The following MDGA2 variants were observed in gnomAD, a reference collection of about 807,000 sequenced individuals.
MDGA2 encodes the protein MAM domain containing glycosylphosphatidylinositol anchor 2, also known as MAM domain-containing glycosylphosphatidylinositol anchor protein 2.
A neutral mutation model predicts 117.8 loss-of-function variants in MDGA2; 40 were observed. That is an observed-to-expected ratio of 0.34 (90% CI 0.26 to 0.44). The LOEUF is 0.44. MDGA2 is among the 20% of genes least tolerant of loss of function. The pLI is 1.00. For missense variants in MDGA2, 1,123 were observed against 1,250.6 expected (o/e 0.90, Z 1.54); for synonymous variants, 452 against 439.0 (o/e 1.03, Z -0.37).
At chr14:46,928,531 T>A (rs916041000) in intron 9 of MDGA2, among the ~76,000 whole-genome samples, 3 of 144,652 alleles carry the variant, frequency 2.1e-5, no homozygotes, top group African/African-American at 7.5e-5. Context: ...AAAAGCTTTG[T>A]AACTCAGTAT....
intron 1 of MDGA2, among the ~76,000 whole-genome samples, chr14:47,452,669 C>G (rs964722954): frequency 6.6e-6 from 1 of 152,034 alleles, no homozygotes; most frequent in Non-Finnish European, 1.5e-5. Flanking sequence ...AAAAACAGAA[C>G]TGTTGCTCCT....
At chr14:47,638,138 C>T (rs1014833539) in intron 1 of MDGA2, among the ~76,000 whole-genome samples, 4 of 152,118 alleles carry the variant, frequency 2.6e-5, no homozygotes, top group African/African-American at 9.7e-5. Context: ...GGGGTCCATG[C>T]TAAGTCTGTA....
chr14:47,304,200 C>T (rs1183841701), intron 1 of MDGA2, among the ~76,000 whole-genome samples: 2 of 152,084 alleles, frequency 1.3e-5, no homozygotes. Context: ...TTTATGTGCA[C>T]AAAGCTCACT....
chr14:46,965,292 C>T (rs1885983052), intron 8 of MDGA2, among the ~76,000 whole-genome samples: 1 of 148,074 alleles, frequency 6.8e-6, no homozygotes, highest in Admixed American at 6.7e-5. Flanking sequence ...GAATTATTAC[C>T]AGCAATGGGG....
At chr14:46,901,336 T>C (rs1178176173) in intron 10 of MDGA2, among the ~76,000 whole-genome samples, 1 of 152,056 alleles carries the variant, frequency 6.6e-6, no homozygotes, top group Non-Finnish European at 1.5e-5. Context: ...AGTATAATAA[T>C]AATAAAATTA....
rs571830484 is a variant in MDGA2, at chr14:47,641,285, A to T, written c.280+33232T>A. Among the ~76,000 whole-genome samples, 6 of 151,952 alleles carry T rather than the reference A, an allele frequency of 3.9e-5. No individual in the cohort carries two copies. The South Asian group carries it at 1.2e-3, about 32-fold the overall frequency. On this transcript the variant is annotated intron_variant, in intron 1 of 16. Coordinates refer to ENST00000399232, the MANE Select transcript of MDGA2 (RefSeq NM_001113498.3). ...GTCTAAAGGACAAAACAGGTTCCTT[A>T]GTCAAGTATATGCAAGTCTGATTCC...
At chr14:47,333,980 G>A (rs944815012) in intron 1 of MDGA2, among the ~76,000 whole-genome samples, 1 of 151,746 alleles carries the variant, frequency 6.6e-6, no homozygotes, top group Admixed American at 6.6e-5. Context: ...CTAGGAAAAT[G>A]TTGGCATTCA....
intron 8 of MDGA2, among the ~76,000 whole-genome samples, chr14:46,976,493 T>C (rs897435227): frequency 1.3e-5 from 2 of 151,952 alleles, no homozygotes; most frequent in African/African-American, 4.8e-5. Context: ...GTTAGAGCTG[T>C]TTTTTCTAAC....
At chr14:47,496,698 T>C (rs1894287856) in intron 1 of MDGA2, among the ~76,000 whole-genome samples, 1 of 151,042 alleles carries the variant, frequency 6.6e-6, no homozygotes, top group African/African-American at 2.4e-5. Flanking sequence ...TTAATTATAA[T>C]ATATATATTA....
chr14:47,473,072 T>A (rs1359522369), intron 1 of MDGA2, among the ~76,000 whole-genome samples: 1 of 152,162 alleles, frequency 6.6e-6, no homozygotes, highest in African/African-American at 2.4e-5. Flanking sequence ...TGATCCAGGT[T>A]ATTTATAATA....
At chr14:47,609,455 A>G (rs1307997260) in intron 1 of MDGA2, among the ~76,000 whole-genome samples, 1 of 110,224 alleles carries the variant, frequency 9.1e-6, no homozygotes, top group Admixed American at 9.0e-5. Context: ...ATATATATAT[A>G]TATATATATA....
At chr14:47,100,057 ATC>A (rs901812954) in intron 5 of MDGA2, among the ~76,000 whole-genome samples, 100 of 152,158 alleles carry the variant, frequency 6.6e-4, no homozygotes, top group African/African-American at 2.3e-3. Context: ...CTGCAGAAAT[ATC>A]TCTACCATTT....
chr14:47,022,327 C>T (rs1323677909), intron 8 of MDGA2, among the ~76,000 whole-genome samples: 2 of 152,136 alleles, frequency 1.3e-5, no homozygotes, highest in Non-Finnish European at 2.9e-5. Context: ...AATCTGCCCA[C>T]CTTGGCCTCC....
chr14:47,281,319 T>C (rs184885196), intron 2 of MDGA2, among the ~76,000 whole-genome samples: 49 of 152,120 alleles, frequency 3.2e-4, no homozygotes, highest in Non-Finnish European at 4.3e-4. Flanking sequence ...AGCTATTAGG[T>C]GATTTGCCTT....
chr14:47,567,217 T>G (rs575311322), intron 1 of MDGA2, among the ~76,000 whole-genome samples: 2 of 152,108 alleles, frequency 1.3e-5, no homozygotes, highest in Non-Finnish European at 2.9e-5. Flanking sequence ...AGTATTATTT[T>G]AAAATATTTT....
intron 2 of MDGA2, among the ~76,000 whole-genome samples, chr14:47,266,943 T>G (rs1397381605): frequency 6.6e-6 from 1 of 152,214 alleles, no homozygotes; most frequent in Non-Finnish European, 1.5e-5. Context: ...TTCATAATTT[T>G]CCTGTTCTCT....
intron 7 of MDGA2, among the ~76,000 whole-genome samples, chr14:47,041,089 A>G (rs1455729299): frequency 2.0e-5 from 3 of 152,210 alleles, no homozygotes; most frequent in Non-Finnish European, 2.9e-5. Context: ...TAATTCTACA[A>G]TTAGTAGCTC....
In MDGA2 at chr14:46,880,468, A is replaced by AT. The variant is rs111347583; in HGVS notation, c.2416+1575dup. Reference sequence around the variant, plus strand: ...TATTAAAATTCTAAAATGCACACAAATTTCAATTTTTGAAATATTTATCTC... The same window carrying AT: ...TATTAAAATTCTAAAATGCACACAAATTTTCAATTTTTGAAATATTTATCTC... On this transcript the variant is annotated intron_variant, in intron 11 of 16. Transcript: ENST00000399232. Among the ~76,000 whole-genome samples, 27 of 152,124 alleles carry AT rather than the reference A, an allele frequency of 1.8e-4. 1 individual carries two copies. Among genetic ancestry groups the AT allele is most frequent in the African/African-American group, 6.3e-4 (26 of 41,510 alleles).
chr14:46,857,829 A>AC (rs776187939), intron 14 of MDGA2, among the ~76,000 whole-genome samples: 4 of 151,758 alleles, frequency 2.6e-5, no homozygotes, highest in Non-Finnish European at 4.4e-5. Flanking sequence ...TAATTTATTT[A>AC]TCTTTTTTTA....
Sources: gnomAD v4.1 joint callset for allele counts (sites outside exome capture counted in the v4.1 genomes callset) on GRCh38, gnomAD v4.1.1 for gene constraint, MANE v1.5 for transcripts, NCBI Gene and HGNC (gene_info 2026-07-23, HGNC 2026-07-21) for gene names.